MYRIP: variants seen among roughly 807,000 people sequenced by gnomAD.
MYRIP encodes myosin VIIA and Rab interacting protein, also known as rab effector MyRIP.
Under a neutral mutation model 98.0 loss-of-function variants are expected in MYRIP, and 49 were observed. The observed-to-expected ratio is 0.50, with a 90% CI of 0.40 to 0.63. The LOEUF is 0.63. MYRIP is among the 30% of genes least tolerant of loss of function. The pLI, the probability that MYRIP is intolerant of heterozygous loss-of-function variation, is 0.00. For missense variants in MYRIP, 1,004 were observed against 1,058.2 expected (o/e 0.95, Z 0.71); for synonymous variants, 404 against 409.5 (o/e 0.99, Z 0.16).
At chr3:39,831,414 C>T (rs979149816) in intron 1 of MYRIP, among the ~76,000 whole-genome samples, 2 of 152,220 alleles carry the variant, frequency 1.3e-5, no homozygotes, top group African/African-American at 2.4e-5. Flanking sequence ...AAAACTGTTC[C>T]GTTAGCATTT....
Position 40,233,901 on chromosome 3 carries a change from C to T in MYRIP, c.1948C>T (p.Leu650=). The part of the protein sequence containing the change: ...VSLCNISTEV[L]KVINATEELI... ...TCTCTGCAACATCTCCACAGAAGTC[C>T]TGAAAGTCATCAATGCCACAGAGGA... The change falls in exon 12 of 17, where the codon CTG becomes TTG. Residue 650 remains leucine, a synonymous_variant. Coordinates refer to ENST00000302541, the MANE Select transcript of MYRIP (RefSeq NM_015460.4). 1 of 1,613,462 alleles carries T rather than the reference C, an allele frequency of 6.2e-7. No homozygotes were observed. Among genetic ancestry groups the T allele is most frequent in the South Asian group, 1.1e-5 (1 of 90,860 alleles).
chr3:40,112,177 AT>A (rs1949171064), intron 3 of MYRIP, among the ~76,000 whole-genome samples: 1 of 147,076 alleles, frequency 6.8e-6, no homozygotes, highest in Admixed American at 6.8e-5. Context: ...ACTTTAGTGG[AT>A]TAAGGCTGGA....
intron 1 of MYRIP, among the ~76,000 whole-genome samples, chr3:39,898,839 T>C (rs979478229): frequency 5.9e-5 from 9 of 152,200 alleles, no homozygotes; most frequent in African/African-American, 1.7e-4. Flanking sequence ...ATTTTTATTG[T>C]AAATAATAAG....
At chr3:40,203,670 T>A (rs896201691) in intron 10 of MYRIP, among the ~76,000 whole-genome samples, 1 of 110,930 alleles carries the variant, frequency 9.0e-6, no homozygotes, top group African/African-American at 4.6e-5. Context: ...TATTTATATA[T>A]TTTTATATTT....
chr3:39,976,952 C>T (rs899434722), intron 2 of MYRIP, among the ~76,000 whole-genome samples: 9 of 151,872 alleles, frequency 5.9e-5, no homozygotes, highest in Non-Finnish European at 1.2e-4. Context: ...TGTTAAATGA[C>T]GAGTTAATGG....
At chr3:40,031,364 G>C (rs1458745108) in intron 2 of MYRIP, among the ~76,000 whole-genome samples, 1 of 152,110 alleles carries the variant, frequency 6.6e-6, no homozygotes, top group Non-Finnish European at 1.5e-5. Context: ...GACCACAGCA[G>C]GGTAAAAGTG....
chr3:40,198,220 G>GGTA (rs1367688885), intron 10 of MYRIP, among the ~76,000 whole-genome samples: 1 of 122,904 alleles, frequency 8.1e-6, no homozygotes, highest in Non-Finnish European at 2.0e-5. Flanking sequence ...AAGCACCGAG[G>GGTA]GCAGTTGGAA....
rs115940335 is a variant in MYRIP, at chr3:39,856,232, T to C, written c.-30-44555T>C. Among the ~76,000 whole-genome samples, 1,073 of 152,358 alleles carry C rather than the reference T, an allele frequency of 7.0e-3. 12 individuals carry two copies. The highest frequency in any genetic ancestry group is 0.012 in the Non-Finnish European group (786 of 68,034). ...CTTCTTTCAAATGATTTGTGAATTC[T>C]TTCAGTTTTTCTGGTACATTCCTGT... On this transcript the variant is annotated intron_variant, in intron 1 of 16. Transcript: ENST00000302541.
intron 1 of MYRIP, among the ~76,000 whole-genome samples, chr3:39,849,215 A>G (rs777291395): frequency 2.6e-5 from 4 of 152,196 alleles, no homozygotes; most frequent in Admixed American, 6.5e-5. Flanking sequence ...CACGCTGTCC[A>G]CTGTAATCCT....
chr3:39,912,861 A>G (rs9851693), intron 2 of MYRIP, among the ~76,000 whole-genome samples: 67,252 of 152,038 alleles, frequency 0.44, 15,120 homozygotes, highest in East Asian at 0.54. Context: ...CCAATATGGC[A>G]AAACCCTGTC....
intron 2 of MYRIP, among the ~76,000 whole-genome samples, chr3:39,941,832 G>A (rs67169687): frequency 0.19 from 28,934 of 151,756 alleles, 4,012 homozygotes; most frequent in African/African-American, 0.39. Flanking sequence ...TCTCCAATTG[G>A]TTTTTCTTAA....
chr3:40,185,968 G>A (rs775345781), intron 9 of MYRIP, among the ~76,000 whole-genome samples: 1 of 152,166 alleles, frequency 6.6e-6, no homozygotes, highest in Admixed American at 6.5e-5. Context: ...GGGGCTTGGG[G>A]CATAGCAGTG....
intron 3 of MYRIP, among the ~76,000 whole-genome samples, chr3:40,046,644 C>T (rs1947674117): frequency 6.7e-6 from 1 of 150,204 alleles, no homozygotes; most frequent in African/African-American, 2.5e-5. Context: ...AAAGCAGAGT[C>T]ACCCAAGGTG....
At chr3:40,139,636 G>T (rs1949852918) in intron 3 of MYRIP, among the ~76,000 whole-genome samples, 1 of 152,126 alleles carries the variant, frequency 6.6e-6, no homozygotes, top group African/African-American at 2.4e-5. Flanking sequence ...CTGTTGTGCA[G>T]TGGCACAATC....
At chr3:40,064,368 A>C (rs1191240996) in intron 3 of MYRIP, among the ~76,000 whole-genome samples, 2 of 152,084 alleles carry the variant, frequency 1.3e-5, no homozygotes, top group African/African-American at 2.4e-5. Flanking sequence ...AGAAAAAAAA[A>C]CCTTGCTCTC....
chr3:40,258,140 G>T lies in MYRIP; in HGVS notation c.2554G>T (p.Ala852Ser). The T allele has an allele frequency of 6.2e-7, 1 of 1,613,914 alleles. No individual in the cohort carries two copies. Among genetic ancestry groups the T allele is most frequent in the Non-Finnish European group, 8.5e-7 (1 of 1,179,742 alleles). ...GTTCAATGTCTCACCTCAGGAGCCTGCTCTGGAGTCAGCTGTGATGTACTG... is the reference window on the plus strand; with the variant it reads ...GTTCAATGTCTCACCTCAGGAGCCTTCTCTGGAGTCAGCTGTGATGTACTG... The part of the protein sequence containing the change: ...KGTTKDLMEP[A>S]LESAVMY Residue 852 changes from alanine (A) to serine (S), a missense_variant, in exon 17 of 17, where the codon GCT (alanine) becomes TCT (serine). By Grantham distance (99) the Ala-to-Ser change is moderately conservative. This residue lies in a region of MYRIP where 108 missense variants were observed against 111.1 expected (regional missense o/e 0.97). Transcript: ENST00000302541.
intron 2 of MYRIP, among the ~76,000 whole-genome samples, chr3:39,972,840 C>A (rs1178898455): frequency 6.6e-6 from 1 of 150,664 alleles, no homozygotes; most frequent in Admixed American, 6.7e-5. Context: ...TGACGGGCTT[C>A]TTCTTTGGAC....
chr3:39,984,778 T>A (rs1224351932), intron 2 of MYRIP, among the ~76,000 whole-genome samples: 1 of 151,968 alleles, frequency 6.6e-6, no homozygotes, highest in Non-Finnish European at 1.5e-5. Flanking sequence ...TATTTCCAGT[T>A]CTAGATCCCT....
chr3:39,828,686 A>G (rs750695183), intron 1 of MYRIP, among the ~76,000 whole-genome samples: 16 of 152,138 alleles, frequency 1.1e-4, no homozygotes, highest in African/African-American at 1.4e-4. Context: ...ATGCCTTTGC[A>G]TCCTCATAGC....
Sources: allele counts gnomAD v4.1 joint callset (sites outside exome capture counted in the v4.1 genomes callset), GRCh38; gene constraint gnomAD v4.1.1; regional missense constraint gnomAD v4.1.1; transcripts MANE v1.5; gene names NCBI Gene and HGNC (gene_info 2026-07-23, HGNC 2026-07-21).